The following EPS15L1 variants were observed in gnomAD, a reference collection of about 807,000 sequenced individuals.
EPS15L1 encodes epidermal growth factor receptor substrate 15-like 1.
Under a neutral mutation model 117.1 loss-of-function variants are expected in EPS15L1, and 43 were observed. The observed-to-expected ratio is 0.37, with a 90% CI of 0.29 to 0.47. EPS15L1 has a LOEUF of 0.47. EPS15L1 is among the 20% of genes least tolerant of loss of function. The pLI is 0.99. For synonymous variants in EPS15L1, 459 were observed against 470.5 expected (o/e 0.98, Z 0.32); for missense variants, 981 against 1,164.0 (o/e 0.84, Z 2.29).
At chr19:16,452,771 T>C (rs1251742404) in intron 1 of EPS15L1, among the ~76,000 whole-genome samples, 1 of 152,052 alleles carries the variant, frequency 6.6e-6, no homozygotes, top group African/African-American at 2.4e-5. Flanking sequence ...CATTAAACCC[T>C]TCCCTCTACA....
At chr19:16,412,133 G>C (rs532828544) in intron 13 of EPS15L1, among the ~76,000 whole-genome samples, 178 of 151,880 alleles carry the variant, frequency 1.2e-3, no homozygotes, top group African/African-American at 4.2e-3. Context: ...ATCTGTGGTT[G>C]GTTAGATCCA....
intron 10 of EPS15L1, 114 bp from the exon 11 acceptor site, chr19:16,418,218 G>T: frequency 3.3e-6 from 4 of 1,203,578 alleles, no homozygotes; most frequent in South Asian, 1.5e-5. Context: ...ACGGCAGGGC[G>T]TGGTGGCAAG....
At chr19:16,379,095 A>G (rs998005600) in intron 21 of EPS15L1, among the ~76,000 whole-genome samples, 2 of 152,122 alleles carry the variant, frequency 1.3e-5, no homozygotes, top group African/African-American at 4.8e-5. Flanking sequence ...CGAGGTTAGG[A>G]GATCAAGACC....
chr19:16,413,255 C>G, intron 13 of EPS15L1: 1 of 646,176 alleles, frequency 1.5e-6, no homozygotes, highest in African/African-American at 1.8e-5. Context: ...TGACAGGCCA[C>G]TGCAACTCTG....
At chr19:16,393,748 C>T (rs1237946655) in intron 18 of EPS15L1, among the ~76,000 whole-genome samples, 3 of 151,926 alleles carry the variant, frequency 2.0e-5, no homozygotes, top group Non-Finnish European at 2.9e-5. Context: ...GGGTGGGGTG[C>T]GGGCAGTGAC....
Position 16,405,241 on chromosome 19 carries a change from G to A in EPS15L1, c.1267-492C>T, listed in dbSNP as rs2092644451. Among the ~76,000 whole-genome samples the A allele has an allele frequency of 1.3e-5, 2 of 152,182 alleles. No homozygotes were observed. The highest frequency in any genetic ancestry group is 2.1e-4 in the South Asian group (1 of 4,830). ...GAGCCAGGGACAGAGCCTGGCGGAG[G>A]GAACCACAGGGACCCCAGGGTCGGG... On this transcript the variant is annotated intron_variant, in intron 13 of 23. Transcript: ENST00000455140. This position sits in a 1 kb window ranked among gnomAD's most constrained non-coding sequence, Gnocchi z 4.0.
intron 22 of EPS15L1, among the ~76,000 whole-genome samples, chr19:16,374,905 A>G (rs1395467186): frequency 1.3e-5 from 2 of 152,236 alleles, no homozygotes; most frequent in African/African-American, 4.8e-5. Context: ...GCATTATGCA[A>G]TATCTGTGTA....
At chr19:16,464,729 T>TATACTA (rs1555772293) in intron 1 of EPS15L1, among the ~76,000 whole-genome samples, 1 of 148,518 alleles carries the variant, frequency 6.7e-6, no homozygotes, top group Non-Finnish European at 1.5e-5. Context: ...ACACATAAAA[T>TATACTA]ACACTAACAC....
At chr19:16,429,907 G>A (rs1160041635) in intron 7 of EPS15L1, among the ~76,000 whole-genome samples, 1 of 152,190 alleles carries the variant, frequency 6.6e-6, no homozygotes, top group Non-Finnish European at 1.5e-5. Flanking sequence ...CTGGGGTGTG[G>A]GCCATGCCGT....
chr19:16,470,975 C>T (rs964877898), intron 1 of EPS15L1, among the ~76,000 whole-genome samples: 5 of 152,178 alleles, frequency 3.3e-5, no homozygotes, highest in Non-Finnish European at 7.4e-5. Context: ...GAGCTTCAAC[C>T]AAAGGCACAG....
At chr19:16,378,468 C>G (rs1024926308) in intron 21 of EPS15L1, among the ~76,000 whole-genome samples, 1 of 152,118 alleles carries the variant, frequency 6.6e-6, no homozygotes, top group African/African-American at 2.4e-5. Context: ...TTGCTCAGAG[C>G]CTGGCTGGAC....
At chr19:16,435,811 T>C (rs1209861257) in intron 6 of EPS15L1, among the ~76,000 whole-genome samples, 3 of 152,248 alleles carry the variant, frequency 2.0e-5, no homozygotes, top group Admixed American at 2.0e-4. Flanking sequence ...TCGACCACAG[T>C]ACACCCCAAT....
chr19:16,392,123 C>T (rs897580197), intron 19 of EPS15L1, among the ~76,000 whole-genome samples, 181 bp downstream of exon 19: 2 of 152,150 alleles, frequency 1.3e-5, no homozygotes, highest in African/African-American at 2.4e-5. Flanking sequence ...GGCCAGTGAG[C>T]TCCCTCACTC....
chr19:16,466,700 C>T (rs1349536785), intron 1 of EPS15L1, among the ~76,000 whole-genome samples: 4 of 151,988 alleles, frequency 2.6e-5, no homozygotes, highest in Non-Finnish European at 5.9e-5. Flanking sequence ...GTCAGGAGTT[C>T]GAGACCAGCC....
In EPS15L1 at chr19:16,421,411, G is replaced by A. The variant is rs763551199; in HGVS notation, c.858C>T (p.Thr286=). 1.9e-5 allele frequency: 30 copies of A among 1,613,932 alleles called. No homozygotes were observed. Among genetic ancestry groups the A allele is most frequent in the South Asian group, 6.6e-5 (6 of 91,088 alleles). ...KMRFDEIFLK[T]DLDLDGYVSG... ...TCACGTAGCCATCCAGGTCCAGGTC[G>A]GTCTTCAGGAATATCTCATCAAATC... The change falls in exon 10 of 24, where the codon ACC becomes ACT. Residue 286 remains threonine, a synonymous_variant. Coordinates refer to ENST00000455140, the MANE Select transcript of EPS15L1 (RefSeq NM_001258374.3).
In EPS15L1 at chr19:16,434,522, G is replaced by C. The variant is rs775296576; in HGVS notation, c.373-32C>G. The C allele has an allele frequency of 2.5e-6, 4 of 1,605,270 alleles. No homozygotes were observed. In the South Asian group the frequency reaches 4.5e-5, roughly 18 times the overall value. On this transcript the variant is annotated intron_variant, in intron 6 of 23. Coordinates refer to ENST00000455140, the MANE Select transcript of EPS15L1 (RefSeq NM_001258374.3). ...GGAAAGAAATAGCCCGAGTAAGTAGGAGAGCACACCTGTGTGAATGTCCAG... is the reference window on the plus strand; with the variant it reads ...GGAAAGAAATAGCCCGAGTAAGTAGCAGAGCACACCTGTGTGAATGTCCAG...
At chr19:16,422,180 G>A (rs559800173) in intron 9 of EPS15L1, among the ~76,000 whole-genome samples, 1 of 152,172 alleles carries the variant, frequency 6.6e-6, no homozygotes, top group African/African-American at 2.4e-5. Flanking sequence ...CCCGCTGCAC[G>A]TGCGACCCCT....
In EPS15L1 at chr19:16,372,400, C is replaced by G. The variant is rs2092237472; in HGVS notation, c.2380+4722G>C. On this transcript the variant is annotated intron_variant, in intron 22 of 23. Transcript: ENST00000455140. ...CTCCCACGGAATTTGAAAACTGCAG[C>G]CTCTAGAACACAAGAGATGGCACCA... is the stretch of plus-strand genomic sequence containing the variant. Among the ~76,000 whole-genome samples the G allele has an allele frequency of 1.3e-5, 2 of 152,216 alleles. 1 individual carries two copies. The highest frequency in any genetic ancestry group is 4.1e-4 in the South Asian group (2 of 4,832).
In EPS15L1 at chr19:16,381,324, G is replaced by A. The variant is rs978038989; in HGVS notation, c.2247+3805C>T. ...ACGGCGGATCCAGGGCTGCCACATCGTCTGCCTCCCAGGCTGGGGCCACCA... is the reference window on the plus strand; with the variant it reads ...ACGGCGGATCCAGGGCTGCCACATCATCTGCCTCCCAGGCTGGGGCCACCA... On this transcript the variant is annotated intron_variant, in intron 21 of 23. Transcript: ENST00000455140. The surrounding 1 kb of genome is among the most constrained non-coding windows in gnomAD (Gnocchi z 4.2). 6.6e-6 allele frequency among the ~76,000 whole-genome samples: 1 copy of A among 152,244 alleles called. No individual in the cohort carries two copies. The highest frequency in any genetic ancestry group is 6.5e-5 in the Admixed American group (1 of 15,284).
Sources: allele counts gnomAD v4.1 joint callset (sites outside exome capture counted in the v4.1 genomes callset), GRCh38; gene constraint gnomAD v4.1.1; non-coding constraint Gnocchi (gnomAD v3.1); transcripts MANE v1.5; gene names NCBI Gene and HGNC (gene_info 2026-07-23, HGNC 2026-07-21).